Variants in SLC36A2 observed in about 807,000 individuals in gnomAD.
The protein encoded by SLC36A2 is solute carrier family 36 member 2, also known as proton-coupled amino acid transporter 2.
A neutral mutation model predicts 42.7 loss-of-function variants in SLC36A2; 39 were observed. That is an observed-to-expected ratio of 0.91 (90% CI 0.71 to 1.19). The LOEUF (loss-of-function observed/expected upper bound fraction) is 1.19, where lower values mean the gene tolerates loss of function less well. Among genes scored for constraint, SLC36A2 ranks in the 50% most tolerant of loss-of-function variants. The pLI, the probability that SLC36A2 is intolerant of heterozygous loss-of-function variation, is 0.00. For missense variants in SLC36A2, 590 were observed against 613.7 expected (o/e 0.96, Z 0.41); for synonymous variants, 237 against 240.8 (o/e 0.98, Z 0.15).
rs552967716 is a variant in SLC36A2 at position 151,322,863 on chromosome 5, G to GT, written c.1011-649dup. ...TCAAGGGATATTGAGTTCTATCTAAGTTTTTTTTCTATTTGATCTATTGAG... is the reference window on the plus strand; with the variant it reads ...TCAAGGGATATTGAGTTCTATCTAAGTTTTTTTTTCTATTTGATCTATTGAG... On this transcript the variant is annotated intron_variant, in intron 8 of 9. Coordinates refer to ENST00000335244, the MANE Select transcript of SLC36A2 (RefSeq NM_181776.3). Among the ~76,000 whole-genome samples the GT allele has an allele frequency of 2.6e-5, 4 of 152,192 alleles. No individual in the cohort carries two copies. In the East Asian group the frequency reaches 7.7e-4, roughly 29 times the overall value.
intron 8 of SLC36A2, among the ~76,000 whole-genome samples, chr5:151,324,173 G>A (rs558469783): frequency 6.6e-5 from 10 of 152,086 alleles, no homozygotes; most frequent in African/African-American, 1.9e-4. Flanking sequence ...TTGAGACAGA[G>A]TCTCTGCCGC....
At chr5:151,339,510 A>T (rs1268147151) in intron 4 of SLC36A2, among the ~76,000 whole-genome samples, 1 of 152,102 alleles carries the variant, frequency 6.6e-6, no homozygotes, top group African/African-American at 2.4e-5. Context: ...AGGTTTCTCC[A>T]TGTTGGTCAG....
chr5:151,339,468 G>A (rs1005549841), intron 4 of SLC36A2, among the ~76,000 whole-genome samples: 3 of 152,094 alleles, frequency 2.0e-5, no homozygotes, highest in African/African-American at 2.4e-5. Context: ...GTGCCACCAC[G>A]CCTGGCTAAT....
chr5:151,316,978 ACG>A lies in SLC36A2; in HGVS notation c.1289_1290del (p.Thr430IlefsTer94). ...AGGGGGCTCATGCCCTCTGAGTAGA[ACG>A]TGGTGACCTCCAGGAGCGGTGGGAT... Reference protein sequence around the residue: ...LIIPPLLEVTTFYSEGMSPLT... With the variant: ...LIIPPLLEVTXFYSEGMSPLT... On this transcript the variant is annotated frameshift_variant, in exon 10 of 10. Transcript: ENST00000335244. LOFTEE classifies it high-confidence loss of function. The A allele has an allele frequency of 8.7e-6, 14 of 1,614,006 alleles. No individual in the cohort carries two copies. The highest frequency in any genetic ancestry group is 1.1e-5 in the Non-Finnish European group (13 of 1,179,976).
intron 9 of SLC36A2, among the ~76,000 whole-genome samples, chr5:151,318,599 T>A (rs895763438): frequency 1.4e-5 from 2 of 145,966 alleles, no homozygotes; most frequent in African/African-American, 2.5e-5. Flanking sequence ...TATAAAAATA[T>A]AATAAATATA....
chr5:151,343,594 C>A lies in SLC36A2; in HGVS notation c.260G>T (p.Gly87Val), dbSNP rs77010315. ...GCCCATCACCAGCAGACTGAGTGGGCCCATCTGGAGGAAGGGGAGGCAAGG... is the reference window on the plus strand; with the variant it reads ...GCCCATCACCAGCAGACTGAGTGGGACCATCTGGAGGAAGGGGAGGCAAGG... Reference protein sequence around the residue: ...LAVKNAGILMGPLSLLVMGFI... With the variant: ...LAVKNAGILMVPLSLLVMGFI... Residue 87 changes from glycine (G) to valine (V), a missense_variant, in exon 3 of 10, where the codon GGC becomes GTC. Transcript: ENST00000335244. 0.011 allele frequency: 16,982 copies of A among 1,613,846 alleles called. 119 individuals are homozygous for A. The highest frequency in any genetic ancestry group is 0.012 in the Non-Finnish European group (13,738 of 1,179,882).
intron 9 of SLC36A2, among the ~76,000 whole-genome samples, chr5:151,318,570 A>G (rs1452175502): frequency 9.6e-5 from 14 of 145,176 alleles, no homozygotes; most frequent in Non-Finnish European, 1.5e-4. Context: ...ATTTTTATAT[A>G]TAATAAATAT....
Position 151,325,350 on chromosome 5 carries a change from G to C in SLC36A2, c.946C>G (p.Leu316Val), listed in dbSNP as rs1755823015. 3 of 1,614,024 alleles carry C rather than the reference G, an allele frequency of 1.9e-6. No homozygotes were observed. The East Asian group carries it at 6.7e-5, about 36-fold the overall frequency. ...VTSLYIGMAALGYLRFGDDIK... is the reference protein window; with the variant it reads ...VTSLYIGMAAVGYLRFGDDIK... The stretch of plus-strand genomic sequence containing the variant: ...TCATCTCCAAACCGCAGGTAGCCCA[G>C]AGCCGCCATGCCAATGTATAGGGAA... The change falls in exon 8 of 10, where the codon CTG becomes GTG. Residue 316 changes from leucine to valine, a missense_variant. Coordinates refer to ENST00000335244, the MANE Select transcript of SLC36A2 (RefSeq NM_181776.3).
chr5:151,330,631 A>G (rs1467241508), intron 7 of SLC36A2, among the ~76,000 whole-genome samples: 1 of 152,258 alleles, frequency 6.6e-6, no homozygotes, highest in African/African-American at 2.4e-5. Flanking sequence ...AATGGTAAAT[A>G]TCTGAGTAGA....
At chr5:151,335,294 C>G (rs1434712919) in intron 6 of SLC36A2, 35 bp downstream of exon 6, 6 of 1,543,912 alleles carry the variant, frequency 3.9e-6, no homozygotes, top group African/African-American at 2.7e-5. Context: ...AAAACCCTGC[C>G]CAGTGGAGTG....
chr5:151,330,346 A>G (rs931722750), intron 7 of SLC36A2, among the ~76,000 whole-genome samples: 1 of 152,216 alleles, frequency 6.6e-6, no homozygotes, highest in Admixed American at 6.5e-5. Flanking sequence ...GGATTCAAAC[A>G]ATTGCAGATT....
intron 7 of SLC36A2, among the ~76,000 whole-genome samples, chr5:151,332,995 G>A (rs1051570600): frequency 2.6e-5 from 4 of 152,186 alleles, no homozygotes; most frequent in African/African-American, 9.7e-5. Flanking sequence ...TAATAGGCAT[G>A]TGGGGACAAA....
chr5:151,324,840 A>G (rs1186709186), intron 8 of SLC36A2, among the ~76,000 whole-genome samples: 1 of 152,034 alleles, frequency 6.6e-6, no homozygotes, highest in Admixed American at 6.6e-5. Flanking sequence ...GGGTCTTACC[A>G]TGTTGCCCAG....
intron 6 of SLC36A2, 86 bp downstream of exon 6, chr5:151,335,243 G>A: frequency 3.1e-6 from 3 of 964,828 alleles, no homozygotes; most frequent in Non-Finnish European, 3.3e-6. Flanking sequence ...CACCTACAGG[G>A]TTGGCTCCAG....
At position 151,338,860 on chromosome 5, in the gene SLC36A2, G is replaced by A. The variant is rs532229696; in HGVS notation, c.525+200C>T. The A allele has an allele frequency of 1.8e-4, 86 of 491,402 alleles. 1 individual carries two copies. The highest frequency in any genetic ancestry group is 6.3e-5 in the Non-Finnish European group (16 of 254,278). 30.4% of individuals were successfully genotyped at this position (491,402 alleles called of 1,614,324 possible). On this transcript the variant is annotated intron_variant, in intron 5 of 9. Transcript: ENST00000335244. ...ACTTTGAGAACAGGTCTAAGATACC[G>A]GATAAAGGGTATTGTGGCAAAAGTA...
intron 6 of SLC36A2, 25 bp from the exon 7 acceptor site, chr5:151,333,347 G>C (rs918362896): frequency 3.1e-6 from 5 of 1,591,558 alleles, no homozygotes; most frequent in East Asian, 2.2e-5. Context: ...AATGCTATGA[G>C]ACAGTCACTC....
At chr5:151,343,484 T>A (rs558219221) in intron 3 of SLC36A2, 26 bp downstream of exon 3, 1 of 1,608,962 alleles carries the variant, frequency 6.2e-7, no homozygotes, top group Non-Finnish European at 8.5e-7. Flanking sequence ...CCAAAGGAAT[T>A]GACACAAGGA....
At position 151,338,772 on chromosome 5, in the gene SLC36A2, A is replaced by C. The variant is rs79003690; in HGVS notation, c.525+288T>G. 9.2e-3 allele frequency: 2,876 copies of C among 314,192 alleles called. 151 individuals are homozygous for C. In the East Asian group the frequency reaches 0.12, roughly 13 times the overall value. 19.5% of individuals were successfully genotyped at this position (314,192 alleles called of 1,614,324 possible). A position where few individuals can be genotyped will look rare whatever the true frequency, so the allele number is the denominator to read the frequency against. On this transcript the variant is annotated intron_variant, in intron 5 of 9. Coordinates refer to ENST00000335244, the MANE Select transcript of SLC36A2 (RefSeq NM_181776.3). ...ATTTTAGAAGCGTTAAGTATAATTA[A>C]GCTTCAAGGCAGGAGGATTAACAAA...
At position 151,316,763 on chromosome 5, in the gene SLC36A2, A is replaced by AC; in HGVS notation, c.*53_*54insG. On this transcript the variant is annotated 3_prime_UTR_variant, in exon 10 of 10. Coordinates refer to ENST00000335244, the MANE Select transcript of SLC36A2 (RefSeq NM_181776.3). ...CTCAAAAAAAAAAAAAAAAAAAAAA[A>AC]GAGATCCATATAATTAAAAGTCGGG... 6.7e-6 allele frequency: 10 copies of AC among 1,490,246 alleles called. No individual in the cohort carries two copies. Among genetic ancestry groups the AC allele is most frequent in the Middle Eastern group, 1.8e-4 (1 of 5,416 alleles). 92.3% of individuals were successfully genotyped at this position (1,490,246 alleles called of 1,614,324 possible).
Sources: gnomAD v4.1 joint callset for allele counts (sites outside exome capture counted in the v4.1 genomes callset) on GRCh38, gnomAD v4.1.1 for gene constraint, MANE v1.5 for transcripts, NCBI Gene and HGNC (gene_info 2026-07-23, HGNC 2026-07-21) for gene names.